Variants in LINGO2 observed in about 807,000 individuals in gnomAD.
LINGO2 encodes the protein leucine-rich repeat and immunoglobulin-like domain-containing nogo receptor-interacting protein 2.
In LINGO2, 14 loss-of-function variants were observed where a neutral mutation model predicts 30.6. That is an observed-to-expected ratio of 0.46 (90% CI 0.30 to 0.72). The LOEUF is 0.72. Ranked by LOEUF, LINGO2 falls within the 30% of genes least tolerant of loss-of-function variation. The pLI is 0.07. For synonymous variants in LINGO2, 317 were observed against 288.5 expected, an observed-to-expected ratio of 1.10 and a Z score of -1.00; for missense variants, 729 against 751.7, an observed-to-expected ratio of 0.97 and a Z score of 0.35.
intron 4 of LINGO2, among the ~76,000 whole-genome samples, chr9:28,251,564 C>A (rs1157576436): frequency 6.6e-6 from 1 of 151,812 alleles, no homozygotes; most frequent in African/African-American, 2.4e-5. Flanking sequence ...GGTAGAATTT[C>A]TTTCTCTCTT....
At chr9:28,738,488 T>C in the LINGO2 span, among the ~76,000 whole-genome samples, 77 of 152,228 alleles carry the variant, frequency 5.1e-4, no homozygotes, top group Non-Finnish European at 9.7e-4. Flanking sequence ...CTTGAGGCCC[T>C]ATGATGCTTT....
chr9:28,697,447 C>T, the LINGO2 span, among the ~76,000 whole-genome samples: 1 of 151,800 alleles, frequency 6.6e-6, no homozygotes, highest in Middle Eastern at 3.4e-3. Context: ...ATTGTTTTAC[C>T]TAGTGGTTAG....
intron 1 of LINGO2, among the ~76,000 whole-genome samples, chr9:28,512,982 C>T (rs910961305): frequency 6.6e-6 from 1 of 151,740 alleles, no homozygotes; most frequent in Non-Finnish European, 1.5e-5. Context: ...AGCCCACTGA[C>T]TCAAATGTTA....
At chr9:28,335,286 G>C (rs540221741) in intron 3 of LINGO2, among the ~76,000 whole-genome samples, 2 of 152,254 alleles carry the variant, frequency 1.3e-5, no homozygotes, top group East Asian at 3.9e-4. Context: ...GCCAAGGAGT[G>C]CTTCATATAC....
chr9:28,153,450 A>T (rs756710882), intron 4 of LINGO2, among the ~76,000 whole-genome samples: 3 of 152,204 alleles, frequency 2.0e-5, no homozygotes, highest in Non-Finnish European at 2.9e-5. Flanking sequence ...CCCAGAGCCT[A>T]GAACATTACC....
intron 5 of LINGO2, among the ~76,000 whole-genome samples, chr9:27,954,297 T>A (rs930373841): frequency 7.9e-5 from 12 of 152,190 alleles, no homozygotes; most frequent in African/African-American, 2.9e-4. Flanking sequence ...TCCTTCTGTC[T>A]AACTGTACGT....
chr9:28,271,603 T>A (rs1426998326), intron 4 of LINGO2, among the ~76,000 whole-genome samples: 1 of 152,182 alleles, frequency 6.6e-6, no homozygotes, highest in Non-Finnish European at 1.5e-5. Context: ...AAATCTGAAT[T>A]GGAAATCTAC....
chr9:28,167,421 C>A (rs1355836953), intron 4 of LINGO2, among the ~76,000 whole-genome samples: 1 of 152,198 alleles, frequency 6.6e-6, no homozygotes, highest in East Asian at 1.9e-4. Context: ...CCCTCTGTTG[C>A]CCCAGCTATA....
the LINGO2 span, among the ~76,000 whole-genome samples, chr9:29,170,039 T>C: frequency 2.4e-4 from 36 of 152,074 alleles, no homozygotes; most frequent in African/African-American, 8.0e-4. Flanking sequence ...AAAAACAGTA[T>C]GGAGATTTCT....
At chr9:29,210,313 C>T in the LINGO2 span, among the ~76,000 whole-genome samples, 5 of 152,290 alleles carry the variant, frequency 3.3e-5, no homozygotes, top group African/African-American at 1.2e-4. Flanking sequence ...TTCCCTTATA[C>T]ATCATATACA....
At chr9:29,197,460 G>A in the LINGO2 span, among the ~76,000 whole-genome samples, 1 of 151,956 alleles carries the variant, frequency 6.6e-6, no homozygotes, top group Non-Finnish European at 1.5e-5. Flanking sequence ...ATGAGGGACT[G>A]TGAATCAGAA....
chr9:28,396,229 T>G (rs1450950452), intron 2 of LINGO2, among the ~76,000 whole-genome samples: 1 of 152,194 alleles, frequency 6.6e-6, no homozygotes, highest in Non-Finnish European at 1.5e-5. Flanking sequence ...GACTCACTTA[T>G]TCTTTATGAC....
At chr9:29,128,277 T>C in the LINGO2 span, among the ~76,000 whole-genome samples, 3 of 152,210 alleles carry the variant, frequency 2.0e-5, no homozygotes, top group East Asian at 5.8e-4. Flanking sequence ...ATGCCCTAGA[T>C]GGAGGTTCTG....
At chr9:28,765,766 C>A in the LINGO2 span, among the ~76,000 whole-genome samples, 103 of 152,076 alleles carry the variant, frequency 6.8e-4, 1 homozygote, top group African/African-American at 2.5e-3. Flanking sequence ...GCCGAATAAA[C>A]CTCCTTTCTT....
intron 3 of LINGO2, among the ~76,000 whole-genome samples, chr9:28,369,323 T>TG (rs1344643551): frequency 6.6e-6 from 1 of 152,170 alleles, no homozygotes; most frequent in Admixed American, 6.5e-5. Flanking sequence ...ACTTTGTCCT[T>TG]GGGGGGTTAT....
intron 1 of LINGO2, among the ~76,000 whole-genome samples, chr9:28,669,692 G>A (rs967562542): frequency 1.1e-4 from 16 of 151,870 alleles, no homozygotes; most frequent in African/African-American, 3.9e-4. Flanking sequence ...CACCGTAAGG[G>A]CCATTAGTAC....
At chr9:28,205,057 G>A (rs1298808545) in intron 4 of LINGO2, among the ~76,000 whole-genome samples, 1 of 151,034 alleles carries the variant, frequency 6.6e-6, no homozygotes, top group African/African-American at 2.4e-5. Context: ...AATATGTGTT[G>A]AGTCCCAAAT....
the LINGO2 span, among the ~76,000 whole-genome samples, chr9:28,902,432 A>G: frequency 6.6e-6 from 1 of 152,294 alleles, no homozygotes; most frequent in Admixed American, 6.5e-5. Context: ...ATTAAATACA[A>G]TAATAGTAGG....
the LINGO2 span, among the ~76,000 whole-genome samples, chr9:28,678,143 T>TAAA: frequency 0.016 from 2,319 of 144,394 alleles, 42 homozygotes; most frequent in South Asian, 0.049. Context: ...CTTTGAATAT[T>TAAA]AAAAAAAAAA....
Sources: gnomAD v4.1 joint callset for allele counts (sites outside exome capture counted in the v4.1 genomes callset) on GRCh38, gnomAD v4.1.1 for gene constraint, MANE v1.5 for transcripts, NCBI Gene and HGNC (gene_info 2026-07-23, HGNC 2026-07-21) for gene names.